Variants in KCNIP3 observed in about 807,000 individuals in gnomAD.
KCNIP3 encodes potassium voltage-gated channel interacting protein 3.
A neutral mutation model predicts 35.0 loss-of-function variants in KCNIP3; 28 were observed. The ratio of observed to expected loss-of-function variants is 0.80; its 90% confidence interval spans 0.59 to 1.10. The LOEUF (loss-of-function observed/expected upper bound fraction) is 1.10. Ranked by LOEUF, KCNIP3 falls within the 50% of genes least tolerant of loss-of-function variation. The pLI, the probability that KCNIP3 is intolerant of heterozygous loss-of-function variation, is 0.00. For synonymous variants in KCNIP3, 134 were observed against 133.8 expected (o/e 1.00, Z -0.01); for missense variants, 295 against 338.4 (o/e 0.87, Z 1.01).
At chr2:95,314,895 G>A (rs1478336990) in intron 2 of KCNIP3, among the ~76,000 whole-genome samples, 2 of 152,208 alleles carry the variant, frequency 1.3e-5, no homozygotes, top group East Asian at 3.9e-4. Context: ...CTGGGGGAGA[G>A]GCAGCACATC....
At position 95,377,231 on chromosome 2, in the gene KCNIP3, C is replaced by T. The variant is rs552532719; in HGVS notation, c.447+2023C>T. ...ACGTGCAGAGCTTCCAAAACGATTC[C>T]GTAGACTGTTGGGGCCTCTTCAGTG... is the stretch of plus-strand genomic sequence containing the variant. On this transcript the variant is annotated intron_variant, in intron 5 of 8. Coordinates refer to ENST00000295225, the MANE Select transcript of KCNIP3 (RefSeq NM_013434.5). The surrounding 1 kb of genome is among the most constrained non-coding windows in gnomAD (Gnocchi z 4.7). 4.5e-4 allele frequency among the ~76,000 whole-genome samples: 68 copies of T among 152,356 alleles called. No individual in the cohort carries two copies. Among genetic ancestry groups the T allele is most frequent in the African/African-American group, 1.6e-3 (66 of 41,586 alleles).
At chr2:95,348,011 G>C (rs531864996) in intron 2 of KCNIP3, among the ~76,000 whole-genome samples, 48 of 152,384 alleles carry the variant, frequency 3.1e-4, no homozygotes, top group African/African-American at 1.1e-3. Context: ...CCTGCGAAGG[G>C]CTGCTGAGTG....
chr2:95,379,457 G>A (rs1369582633), intron 5 of KCNIP3, among the ~76,000 whole-genome samples: 1 of 166 alleles, frequency 6.0e-3, no homozygotes, highest in African/African-American at 0.022. Context: ...CATCCTCGCT[G>A]GGGCCTGGTG....
chr2:95,366,050 T>C (rs1227382237), intron 2 of KCNIP3, among the ~76,000 whole-genome samples: 1 of 152,164 alleles, frequency 6.6e-6, no homozygotes, highest in African/African-American at 2.4e-5. Context: ...AGTGTGATCC[T>C]AGCTCATGGC....
intron 1 of KCNIP3, chr2:95,298,618 GCT>G (rs1211102386): frequency 6.6e-6 from 1 of 152,296 alleles, no homozygotes; most frequent in Non-Finnish European, 1.5e-5. Context: ...TGGGCGGGTG[GCT>G]GGCTTGGACC....
chr2:95,371,571 T>G (rs1680041984), intron 2 of KCNIP3, among the ~76,000 whole-genome samples: 1 of 152,208 alleles, frequency 6.6e-6, no homozygotes, highest in Admixed American at 6.5e-5. Context: ...TTTTCAAACC[T>G]TTTATTTCGT....
At chr2:95,355,147 G>A (rs1463096730) in intron 2 of KCNIP3, 1 of 152,004 alleles carries the variant, frequency 6.6e-6, no homozygotes, top group African/African-American at 2.4e-5. Flanking sequence ...AGGGCCTTGG[G>A]GACCACCGGA....
chr2:95,374,015 C>T (rs1680103880), intron 2 of KCNIP3, among the ~76,000 whole-genome samples: 1 of 152,256 alleles, frequency 6.6e-6, no homozygotes, highest in Non-Finnish European at 1.5e-5. Flanking sequence ...ACAAGAGCAG[C>T]TCCCACCTTG....
intron 2 of KCNIP3, among the ~76,000 whole-genome samples, chr2:95,331,121 G>A (rs993874855): frequency 5.9e-5 from 9 of 152,152 alleles, no homozygotes; most frequent in African/African-American, 2.2e-4. Context: ...ATGAGGGGTG[G>A]AGGCTGAGCC....
chr2:95,302,801 C>T (rs1416490963), intron 1 of KCNIP3, among the ~76,000 whole-genome samples: 1 of 152,228 alleles, frequency 6.6e-6, no homozygotes. Context: ...CATCCACCTG[C>T]CTTCGATCTC....
chr2:95,314,067 G>T (rs530490122), intron 2 of KCNIP3, among the ~76,000 whole-genome samples: 1 of 151,982 alleles, frequency 6.6e-6, no homozygotes, highest in Non-Finnish European at 1.5e-5. Context: ...CTCAGTCGCC[G>T]ATGCATCCCA....
intron 2 of KCNIP3, among the ~76,000 whole-genome samples, chr2:95,325,693 ACACT>A (rs374046217): frequency 5.6e-4 from 84 of 151,118 alleles, no homozygotes; most frequent in South Asian, 1.5e-3. Context: ...ATACACATAC[ACACT>A]CATACATACA....
rs1365312271 is a variant in KCNIP3 at position 95,378,938 on chromosome 2, CAT to C, written c.448-2657_448-2656del. 3.9e-5 allele frequency among the ~76,000 whole-genome samples: 6 copies of C among 152,002 alleles called. No individual in the cohort carries two copies. The highest frequency in any genetic ancestry group is 2.0e-4 in the Admixed American group (3 of 15,258). On this transcript the variant is annotated intron_variant, in intron 5 of 8. Coordinates refer to ENST00000295225, the MANE Select transcript of KCNIP3 (RefSeq NM_013434.5). This position sits in a 1 kb window ranked among gnomAD's most constrained non-coding sequence, Gnocchi z 4.0. ...TTCATTGTCTTCAGTTATACACACA[CAT>C]GACTGGAGTCCAACACATTCGCAGG...
At chr2:95,352,245 C>T (rs1311275674) in intron 2 of KCNIP3, among the ~76,000 whole-genome samples, 2 of 152,194 alleles carry the variant, frequency 1.3e-5, no homozygotes, top group African/African-American at 4.8e-5. Context: ...CAGAGCAAGA[C>T]TCTGTCTCAA....
intron 2 of KCNIP3, among the ~76,000 whole-genome samples, chr2:95,325,796 TACAC>T (rs564739481): frequency 1.4e-5 from 2 of 141,684 alleles, no homozygotes; most frequent in African/African-American, 2.7e-5. Context: ...TACACACTCA[TACAC>T]ACATACACTC....
chr2:95,371,031 A>G (rs1160027123), intron 2 of KCNIP3, among the ~76,000 whole-genome samples: 1 of 152,178 alleles, frequency 6.6e-6, no homozygotes, highest in African/African-American at 2.4e-5. Context: ...GGCCTCCCAA[A>G]GTGCTGGGAT....
intron 2 of KCNIP3, among the ~76,000 whole-genome samples, chr2:95,319,748 C>G (rs577743799): frequency 1.4e-3 from 218 of 152,350 alleles, no homozygotes; most frequent in Admixed American, 4.9e-3. Flanking sequence ...GCGCCTGTGT[C>G]ATGCCTTTTA....
rs1340478240 is a variant in KCNIP3 at position 95,369,019 on chromosome 2, A to C, written c.182-5277A>C. On this transcript the variant is annotated intron_variant, in intron 2 of 8. Transcript: ENST00000295225. Reference sequence around the variant, plus strand: ...TAATTGTTCATTACTGATCTGTAGAAATGTGATTGATTTTTGTATATTGAC... The same window carrying C: ...TAATTGTTCATTACTGATCTGTAGACATGTGATTGATTTTTGTATATTGAC... The C allele has an allele frequency of 2.0e-5, 3 of 152,248 alleles. No individual in the cohort carries two copies. The East Asian group carries it at 5.8e-4, about 29-fold the overall frequency. 9.4% of individuals were successfully genotyped at this position (152,248 alleles called of 1,614,324 possible). A position where few individuals can be genotyped will look rare whatever the true frequency, so the allele number is the denominator to read the frequency against.
At chr2:95,330,414 C>T (rs945263292) in intron 2 of KCNIP3, among the ~76,000 whole-genome samples, 17 of 152,190 alleles carry the variant, frequency 1.1e-4, no homozygotes, top group Admixed American at 3.3e-4. Flanking sequence ...TAGGGGACTG[C>T]GTTGTGTCCC....
Sources: allele counts gnomAD v4.1 joint callset (sites outside exome capture counted in the v4.1 genomes callset), GRCh38; gene constraint gnomAD v4.1.1; non-coding constraint Gnocchi (gnomAD v3.1); transcripts MANE v1.5; gene names NCBI Gene and HGNC (gene_info 2026-07-23, HGNC 2026-07-21).